Variants in SLC12A1 observed in about 807,000 individuals in gnomAD.
SLC12A1 encodes the protein Na-K-2Cl cotransporter.
Under a neutral mutation model 130.4 loss-of-function variants are expected in SLC12A1, and 89 were observed. The observed-to-expected ratio is 0.68, with a 90% CI of 0.58 to 0.81. The LOEUF (loss-of-function observed/expected upper bound fraction) is 0.81. SLC12A1 is among the 40% of genes least tolerant of loss of function. The pLI, the probability that SLC12A1 is intolerant of heterozygous loss-of-function variation, is 0.00. For synonymous variants in SLC12A1, 499 were observed against 460.0 expected (o/e 1.08, Z -1.09); for missense variants, 1,310 against 1,336.4 (o/e 0.98, Z 0.31).
intron 13 of SLC12A1, among the ~76,000 whole-genome samples, chr15:48,247,932 C>T (rs2041602164): frequency 6.6e-6 from 1 of 152,184 alleles, no homozygotes; most frequent in African/African-American, 2.4e-5. Flanking sequence ...AAGGAGTCTA[C>T]ATTTCACAAG....
chr15:48,299,410 C>T (rs1258494882), intron 25 of SLC12A1, 135 bp downstream of exon 25: 1 of 824,660 alleles, frequency 1.2e-6, no homozygotes, highest in Non-Finnish European at 1.7e-6. Context: ...CTGCATTTTT[C>T]AAGTGCTTTT....
chr15:48,296,180 G>A (rs1418602027), intron 24 of SLC12A1, among the ~76,000 whole-genome samples: 1 of 152,164 alleles, frequency 6.6e-6, no homozygotes, highest in African/African-American at 2.4e-5. Flanking sequence ...TGGTTGCCGG[G>A]TGATACACAA....
rs1476572195 is a variant in SLC12A1, at chr15:48,291,808, A to T, written c.2904A>T (p.Ile968=). The change falls in exon 24 of 27, where the codon ATA becomes ATT. Residue 968 remains isoleucine (I), a synonymous_variant. Transcript: ENST00000380993. ...VMASLLSKFR[I]KFADIHIIGD... Reference sequence around the variant, plus strand: ...CTTCCCTTCTGAGCAAATTTAGGATAAAATTTGCAGACATCCATATCATCG... The same window carrying T: ...CTTCCCTTCTGAGCAAATTTAGGATTAAATTTGCAGACATCCATATCATCG... The T allele has an allele frequency of 1.9e-6, 3 of 1,568,968 alleles. No individual in the cohort carries two copies. The highest frequency in any genetic ancestry group is 2.7e-5 in the African/African-American group (2 of 74,104).
intron 13 of SLC12A1, among the ~76,000 whole-genome samples, chr15:48,248,778 T>G (rs2041612960): frequency 6.6e-6 from 1 of 152,242 alleles, no homozygotes; most frequent in African/African-American, 2.4e-5. Flanking sequence ...CACGGTGGCT[T>G]ACGCCTGTTC....
intron 7 of SLC12A1, among the ~76,000 whole-genome samples, chr15:48,231,037 C>T (rs1314966852): frequency 1.3e-5 from 2 of 152,098 alleles, no homozygotes; most frequent in Non-Finnish European, 2.9e-5. Context: ...ATGTCTTTTG[C>T]CTCCTTTGTA....
At chr15:48,243,549 G>A (rs142730673) in intron 10 of SLC12A1, among the ~76,000 whole-genome samples, 2,259 of 152,226 alleles carry the variant, frequency 0.015, 34 homozygotes, top group Non-Finnish European at 0.019. Context: ...CCAGATACTC[G>A]GGTGGCTGAG....
intron 24 of SLC12A1, among the ~76,000 whole-genome samples, chr15:48,294,386 T>C (rs1244820424): frequency 6.8e-6 from 1 of 147,398 alleles, no homozygotes; most frequent in African/African-American, 2.5e-5. Flanking sequence ...AAAAGAAAAA[T>C]ACATTAACTG....
chr15:48,250,674 C>CACAGACACACACACACACACACACACA (rs1555383559), intron 14 of SLC12A1, among the ~76,000 whole-genome samples: 1 of 56,128 alleles, frequency 1.8e-5, no homozygotes, highest in East Asian at 5.8e-4. Context: ...AAAATGTCTG[C>CACAGACACACACACACACACACACACA]CTCACACACA....
At chr15:48,289,150 T>C (rs2042091399) in intron 23 of SLC12A1, among the ~76,000 whole-genome samples, 1 of 151,130 alleles carries the variant, frequency 6.6e-6, no homozygotes, top group Admixed American at 6.6e-5. Context: ...AATTTAGCCA[T>C]TGAGAGTTGA....
chr15:48,247,391 G>A lies in SLC12A1; in HGVS notation c.1615G>A (p.Gly539Arg), dbSNP rs751662600. ...CCTGCAGTTTTTTGCAAAGGGATAT[G>A]GGAAAAACAATGAACCCCTGAGAGG... The part of the protein sequence containing the change: ...KALQFFAKGY[G>R]KNNEPLRGYI... The change falls in exon 13 of 27, where the codon GGG becomes AGG. Residue 539 changes from glycine to arginine, a missense_variant. Coordinates refer to ENST00000380993, the MANE Select transcript of SLC12A1 (RefSeq NM_000338.3). 6 of 1,612,030 alleles carry A rather than the reference G, an allele frequency of 3.7e-6. No individual in the cohort carries two copies. In the African/African-American group the frequency reaches 4.0e-5, roughly 11 times the overall value.
At chr15:48,217,913 C>T (rs1356679898) in intron 2 of SLC12A1, 1 of 152,452 alleles carries the variant, frequency 6.6e-6, no homozygotes, top group Non-Finnish European at 1.5e-5. Context: ...CTCAAGCAAT[C>T]CTCCCACTTC....
chr15:48,246,606 C>G (rs556138680), intron 11 of SLC12A1, among the ~76,000 whole-genome samples: 1 of 152,216 alleles, frequency 6.6e-6, no homozygotes, highest in African/African-American at 2.4e-5. Flanking sequence ...CATGGTGAAA[C>G]CCCGTCTCTA....
At chr15:48,289,046 C>T (rs183403218) in intron 23 of SLC12A1, among the ~76,000 whole-genome samples, 9 of 151,818 alleles carry the variant, frequency 5.9e-5, no homozygotes, top group Admixed American at 3.3e-4. Flanking sequence ...CCCAGTTTCT[C>T]CTTTGTAGTT....
At position 48,251,724 on chromosome 15, in the gene SLC12A1, T is replaced by C. The variant is rs1444939504; in HGVS notation, c.1896T>C (p.Tyr632=). ...ACTGGTGGGCAGCTGTCATCACCTA[T>C]GTCATTGAATTCTTCCTTTACGTCT... ...VINWWAAVIT[Y]VIEFFLYVYV... Residue 632 remains tyrosine, a synonymous_variant, in exon 15 of 27, where the codon TAT becomes TAC. Coordinates refer to ENST00000380993, the MANE Select transcript of SLC12A1 (RefSeq NM_000338.3). The C allele has an allele frequency of 4.3e-6, 7 of 1,613,850 alleles. No individual in the cohort carries two copies. The highest frequency in any genetic ancestry group is 5.1e-6 in the Non-Finnish European group (6 of 1,179,846).
chr15:48,296,891 G>C (rs965519959), intron 24 of SLC12A1, among the ~76,000 whole-genome samples: 1 of 152,146 alleles, frequency 6.6e-6, no homozygotes, highest in Non-Finnish European at 1.5e-5. Context: ...TGAACACAGA[G>C]AAGGAGCAGT....
intron 19 of SLC12A1, among the ~76,000 whole-genome samples, chr15:48,271,172 A>G (rs1346788508): frequency 6.6e-6 from 1 of 152,066 alleles, no homozygotes; most frequent in Non-Finnish European, 1.5e-5. Flanking sequence ...AGATTGCGCC[A>G]CTGCACTCCA....
At chr15:48,243,152 A>T (rs2041537013) in intron 10 of SLC12A1, among the ~76,000 whole-genome samples, 1 of 152,120 alleles carries the variant, frequency 6.6e-6, no homozygotes, top group Admixed American at 6.5e-5. Flanking sequence ...AATTTGAGAG[A>T]TCTGTTATGC....
chr15:48,224,761 T>A (rs935121023), intron 4 of SLC12A1: 24 of 152,310 alleles, frequency 1.6e-4, no homozygotes, highest in African/African-American at 5.8e-4. Context: ...GTATCTACTT[T>A]TTTTCGGTTG....
chr15:48,220,609 T>C, intron 2 of SLC12A1, 25 bp from the exon 3 acceptor site: 1 of 1,606,992 alleles, frequency 6.2e-7, no homozygotes, highest in Non-Finnish European at 8.5e-7. Context: ...CCAACTACTG[T>C]GTTTTTGCTA....
Sources: allele counts gnomAD v4.1 joint callset (sites outside exome capture counted in the v4.1 genomes callset), GRCh38; gene constraint gnomAD v4.1.1; transcripts MANE v1.5; gene names NCBI Gene and HGNC (gene_info 2026-07-23, HGNC 2026-07-21).